The following MTHFD1 variants were observed in gnomAD, a reference collection of about 807,000 sequenced individuals.
MTHFD1 encodes methylenetetrahydrofolate dehydrogenase, cyclohydrolase and formyltetrahydrofolate synthetase 1, also known as C-1-tetrahydrofolate synthase, cytoplasmic.
Under a neutral mutation model 110.3 loss-of-function variants are expected in MTHFD1, and 44 were observed. That is an observed-to-expected ratio of 0.40 (90% CI 0.31 to 0.51). The LOEUF is 0.51. Ranked by LOEUF, MTHFD1 falls within the 20% of genes least tolerant of loss-of-function variation. The pLI is 0.60. For missense variants in MTHFD1, 909 were observed against 1,173.1 expected, an observed-to-expected ratio of 0.77 and a Z score of 3.29; for synonymous variants, 402 against 428.8, an observed-to-expected ratio of 0.94 and a Z score of 0.77.
At chr14:64,455,099 C>T in intron 26 of MTHFD1, 1 of 545,872 alleles carries the variant, frequency 1.8e-6, no homozygotes, top group South Asian at 2.0e-5. Flanking sequence ...GCCAGGACTA[C>T]TCATACTGAA....
rs767055289 is a variant in MTHFD1, at chr14:64,417,967, G to C, written c.558G>C (p.Leu186=). Residue 186 remains leucine, a synonymous_variant, in exon 7 of 28, where the codon CTG becomes CTC. Coordinates refer to ENST00000652337, the MANE Select transcript of MTHFD1 (RefSeq NM_005956.4). The surrounding 1 kb of genome is among the most constrained non-coding windows in gnomAD (Gnocchi z 4.4). ...GGGCCCCGATGCATGACTTGCTTCT[G>C]TGGAACAATGCCACAGTGACCACCT... ...IVGAPMHDLL[L]WNNATVTTCH... is the part of the protein sequence containing the mutation. The C allele has an allele frequency of 6.2e-7, 1 of 1,614,074 alleles. No homozygotes were observed. Among genetic ancestry groups the C allele is most frequent in the South Asian group, 1.1e-5 (1 of 91,074 alleles).
chr14:64,402,931 A>C (rs1367399517), intron 2 of MTHFD1, among the ~76,000 whole-genome samples: 1 of 152,172 alleles, frequency 6.6e-6, no homozygotes, highest in Non-Finnish European at 1.5e-5. Flanking sequence ...GACTATTAAA[A>C]ACACATGCAC....
At chr14:64,414,286 C>CTTTTTTTTTTTTTTTTTTTTT (rs3062425) in intron 4 of MTHFD1, among the ~76,000 whole-genome samples, 1 of 86,468 alleles carries the variant, frequency 1.2e-5, no homozygotes, top group African/African-American at 4.8e-5. Flanking sequence ...CCTGTCCCCG[C>CTTTTTTTTTTTTTTTTTTTTT]TTTTTTTTTT....
intron 2 of MTHFD1, among the ~76,000 whole-genome samples, chr14:64,404,950 C>A (rs2077925754): frequency 6.6e-6 from 1 of 151,694 alleles, no homozygotes; most frequent in Non-Finnish European, 1.5e-5. Flanking sequence ...CAGCCTAAGA[C>A]TCCGTCTCAA....
intron 2 of MTHFD1, among the ~76,000 whole-genome samples, chr14:64,404,177 G>T (rs1375355200): frequency 1.3e-5 from 2 of 152,208 alleles, no homozygotes; most frequent in Non-Finnish European, 1.5e-5. Flanking sequence ...ATTTTAGGCA[G>T]TTTCATCTAT....
intron 2 of MTHFD1, among the ~76,000 whole-genome samples, chr14:64,401,285 G>T (rs1047203336): frequency 6.6e-6 from 1 of 152,124 alleles, no homozygotes; most frequent in African/African-American, 2.4e-5. Context: ...GCCTCTGCCT[G>T]CCAAAGCATG....
At chr14:64,428,123 T>C (rs113917893) in intron 12 of MTHFD1, among the ~76,000 whole-genome samples, 8,850 of 146,390 alleles carry the variant, frequency 0.06, 91 homozygotes, top group East Asian at 0.18. Flanking sequence ...TTTTTTTTTT[T>C]TTTTGAGACA....
Position 64,427,382 on chromosome 14 carries a change from C to A in MTHFD1, c.1173C>A (p.Ile391=). The change falls in exon 12 of 28, where the codon ATC becomes ATA. Residue 391 remains isoleucine (I), a synonymous_variant. Coordinates refer to ENST00000652337, the MANE Select transcript of MTHFD1 (RefSeq NM_005956.4). ...PLGEGKSTTT[I]GLVQALGAHL... is the part of the protein sequence containing the mutation. ...GAGAAGGGAAAAGCACAACTACAAT[C>A]GGGCTAGTGCAAGCCCTTGGTGCCC... 1 of 1,614,162 alleles carries A rather than the reference C, an allele frequency of 6.2e-7. No homozygotes were observed. The highest frequency in any genetic ancestry group is 8.5e-7 in the Non-Finnish European group (1 of 1,179,986).
intron 7 of MTHFD1, 142 bp downstream of exon 7, chr14:64,418,166 G>A (rs1596540401): frequency 4.6e-6 from 5 of 1,091,028 alleles, no homozygotes; most frequent in Middle Eastern, 4.4e-4. Context: ...CAAATTAAAG[G>A]CTGAGTGGGG....
At chr14:64,397,189 A>T (rs1566553250) in intron 1 of MTHFD1, among the ~76,000 whole-genome samples, 393 of 5,750 alleles carry the variant, frequency 0.068, 37 homozygotes, top group African/African-American at 0.27. Context: ...ATATATATAT[A>T]TAAAAAACAG....
intron 2 of MTHFD1, among the ~76,000 whole-genome samples, chr14:64,406,996 A>T (rs544647808): frequency 1.3e-4 from 20 of 152,224 alleles, no homozygotes; most frequent in African/African-American, 4.3e-4. Flanking sequence ...TCTAAAACCC[A>T]TTTGTTCTTC....
intron 2 of MTHFD1, among the ~76,000 whole-genome samples, chr14:64,409,041 T>C (rs185822981): frequency 1.3e-5 from 2 of 152,348 alleles, no homozygotes; most frequent in East Asian, 3.8e-4. Context: ...TGACATACGC[T>C]CATAACTATA....
chr14:64,453,172 CTA>C (rs774233482), intron 24 of MTHFD1, among the ~76,000 whole-genome samples: 1 of 151,790 alleles, frequency 6.6e-6, no homozygotes. Context: ...GTATCTATAT[CTA>C]TATATATATG....
chr14:64,399,825 G>A (rs545229155), intron 1 of MTHFD1, among the ~76,000 whole-genome samples: 2 of 151,992 alleles, frequency 1.3e-5, no homozygotes, highest in South Asian at 4.2e-4. Context: ...GTCCAGGCTG[G>A]AGTGCAATGG....
rs1004312541 is a variant in MTHFD1, at chr14:64,444,932, C to G, written c.2178+198C>G. The G allele has an allele frequency of 4.8e-6, 3 of 622,100 alleles. No individual in the cohort carries two copies. The African/African-American group carries it at 5.5e-5, about 11-fold the overall frequency. 38.5% of individuals were successfully genotyped at this position (622,100 alleles called of 1,614,324 possible). A position where few individuals can be genotyped will look rare whatever the true frequency, so the allele number is the denominator to read the frequency against. ...TGTACCTCACAAAATAGAATTGTCC[C>G]ACATAGGGTGTCAATAAGCCACTGC... is the stretch of plus-strand genomic sequence containing the variant. On this transcript the variant is annotated intron_variant, in intron 22 of 27. Transcript: ENST00000652337.
intron 8 of MTHFD1, among the ~76,000 whole-genome samples, chr14:64,423,734 C>T (rs893685353): frequency 2.0e-5 from 3 of 147,698 alleles, no homozygotes; most frequent in African/African-American, 7.5e-5. Context: ...CAGCTAATCT[C>T]TTTTTTTTCT....
In MTHFD1 at chr14:64,416,236, C is replaced by T. The variant is rs145916644; in HGVS notation, c.478+497C>T. Among the ~76,000 whole-genome samples the T allele has an allele frequency of 5.9e-3, 895 of 151,390 alleles. 7 individuals carry two copies. The highest frequency in any genetic ancestry group is 0.021 in the African/African-American group (854 of 41,454). ...CTCCAGCCTGGGCAACAGAGCGAGACTCTGTCTCTAAAATAAACAAACAAA... is the reference window on the plus strand; with the variant it reads ...CTCCAGCCTGGGCAACAGAGCGAGATTCTGTCTCTAAAATAAACAAACAAA... On this transcript the variant is annotated intron_variant, in intron 6 of 27. Transcript: ENST00000652337.
chr14:64,444,926 T>C (rs2078278971), intron 22 of MTHFD1, 192 bp downstream of exon 22: 4 of 634,866 alleles, frequency 6.3e-6, no homozygotes, highest in African/African-American at 1.8e-5. Context: ...CAAAATAGAA[T>C]TGTCCCACAT....
rs750351138 is a variant in MTHFD1, at chr14:64,442,098, A to G, written c.1929A>G (p.Ala643=). ...FVHAGPFANI[A]HGNSSIIADR... The stretch of plus-strand genomic sequence containing the variant: ...ATGCTGGCCCGTTTGCCAACATCGC[A>G]CATGGCAATTCCTCCATCATTGCAG... The change falls in exon 20 of 28, where the codon GCA becomes GCG. Residue 643 remains alanine (A), a synonymous_variant. Transcript: ENST00000652337. 4.3e-6 allele frequency: 7 copies of G among 1,614,156 alleles called. No individual in the cohort carries two copies. Among genetic ancestry groups the G allele is most frequent in the East Asian group, 2.2e-5 (1 of 44,870 alleles).
Sources: gnomAD v4.1 joint callset for allele counts (sites outside exome capture counted in the v4.1 genomes callset) on GRCh38, gnomAD v4.1.1 for gene constraint, Gnocchi (gnomAD v3.1) non-coding constraint, MANE v1.5 for transcripts, NCBI Gene and HGNC (gene_info 2026-07-23, HGNC 2026-07-21) for gene names.